CNTN4: variants seen among roughly 807,000 people sequenced by gnomAD.
The protein encoded by CNTN4 is contactin 4.
Under a neutral mutation model 122.5 loss-of-function variants are expected in CNTN4, and 77 were observed. The observed-to-expected ratio is 0.63, with a 90% CI of 0.52 to 0.76. The LOEUF is 0.76. Ranked by LOEUF, CNTN4 falls within the 30% of genes least tolerant of loss-of-function variation. The pLI is 0.00. For missense variants in CNTN4, 1,256 were observed against 1,259.1 expected (o/e 1.00, Z 0.04); for synonymous variants, 512 against 447.0 (o/e 1.15, Z -1.83).
At chr3:2,441,502 C>T (rs1013146693) in intron 3 of CNTN4, among the ~76,000 whole-genome samples, 1 of 152,104 alleles carries the variant, frequency 6.6e-6, no homozygotes, top group African/African-American at 2.4e-5. Flanking sequence ...TAAAGTATAA[C>T]CTTTGGGGGC....
intron 3 of CNTN4, among the ~76,000 whole-genome samples, chr3:2,460,079 C>T (rs2049148983): frequency 6.6e-6 from 1 of 151,964 alleles, no homozygotes. Flanking sequence ...GGTCACATTT[C>T]CCTCTGATAG....
intron 7 of CNTN4, among the ~76,000 whole-genome samples, chr3:2,826,372 C>T (rs1253039498): frequency 6.6e-6 from 1 of 152,192 alleles, no homozygotes; most frequent in Non-Finnish European, 1.5e-5. Flanking sequence ...ATGCAAACCT[C>T]TCCAGGGTTC....
intron 4 of CNTN4, among the ~76,000 whole-genome samples, chr3:2,576,139 T>C (rs1223103669): frequency 6.6e-6 from 1 of 152,152 alleles, no homozygotes; most frequent in Non-Finnish European, 1.5e-5. Context: ...CCAGCCGCTT[T>C]CTTCTTTTTA....
intron 4 of CNTN4, among the ~76,000 whole-genome samples, chr3:2,724,636 G>A (rs1395906087): frequency 3.3e-5 from 5 of 152,142 alleles, no homozygotes; most frequent in African/African-American, 1.2e-4. Context: ...CAAAGAGACA[G>A]GTGCAAAGGC....
chr3:2,986,418 T>C (rs340817), intron 13 of CNTN4, among the ~76,000 whole-genome samples: 85,932 of 152,042 alleles, frequency 0.57, 26,705 homozygotes, highest in African/African-American at 0.84. Flanking sequence ...AACCCACAGC[T>C]CTGGAATGTG....
chr3:2,579,967 C>A (rs2079861443), intron 4 of CNTN4, among the ~76,000 whole-genome samples: 1 of 151,894 alleles, frequency 6.6e-6, no homozygotes, highest in Non-Finnish European at 1.5e-5. Context: ...ACATCTGGAC[C>A]TTATCTATAC....
At chr3:2,871,552 T>G (rs756993266) in intron 8 of CNTN4, among the ~76,000 whole-genome samples, 1 of 152,182 alleles carries the variant, frequency 6.6e-6, no homozygotes, top group African/African-American at 2.4e-5. Context: ...TTTCAAATTT[T>G]TAGAACATTG....
At chr3:2,839,924 C>G (rs1159393402) in intron 7 of CNTN4, among the ~76,000 whole-genome samples, 1 of 152,072 alleles carries the variant, frequency 6.6e-6, no homozygotes, top group African/African-American at 2.4e-5. Context: ...TCTCTATTCC[C>G]AAGTGTTATT....
chr3:3,039,933 G>A (rs1699994018), intron 19 of CNTN4, 104 bp from the exon 20 acceptor site: 1 of 795,268 alleles, frequency 1.3e-6, no homozygotes, highest in Non-Finnish European at 2.2e-6. Context: ...AATAAGATGG[G>A]TGGAGAAGGA....
At chr3:2,381,426 G>A (rs886896280) in intron 3 of CNTN4, among the ~76,000 whole-genome samples, 1 of 152,162 alleles carries the variant, frequency 6.6e-6, no homozygotes, top group Non-Finnish European at 1.5e-5. Flanking sequence ...ATCAGATCAA[G>A]TTTCACCTTC....
At chr3:2,882,525 G>T (rs539647738) in intron 8 of CNTN4, among the ~76,000 whole-genome samples, 1 of 152,304 alleles carries the variant, frequency 6.6e-6, no homozygotes, top group Non-Finnish European at 1.5e-5. Flanking sequence ...AAATAAGTGT[G>T]CCATTGGCAA....
intron 14 of CNTN4, among the ~76,000 whole-genome samples, chr3:2,995,570 A>T (rs920940952): frequency 6.6e-6 from 1 of 152,170 alleles, no homozygotes; most frequent in Admixed American, 6.5e-5. Context: ...CAAAGCCTCT[A>T]TGCTGAAGAC....
At chr3:2,973,427 A>C (rs889314309) in intron 13 of CNTN4, among the ~76,000 whole-genome samples, 1 of 152,008 alleles carries the variant, frequency 6.6e-6, no homozygotes, top group Non-Finnish European at 1.5e-5. Context: ...TGATTTCTCT[A>C]TTCAGTTTTG....
chr3:2,210,437 G>C (rs1401581556), intron 2 of CNTN4, among the ~76,000 whole-genome samples: 1 of 152,108 alleles, frequency 6.6e-6, no homozygotes, highest in Non-Finnish European at 1.5e-5. Context: ...AAATCACCAA[G>C]TTAGCTTCCT....
At chr3:2,535,790 A>G (rs921453509) in intron 3 of CNTN4, among the ~76,000 whole-genome samples, 1 of 152,010 alleles carries the variant, frequency 6.6e-6, no homozygotes, top group South Asian at 2.1e-4. Flanking sequence ...TTTTTTGTCC[A>G]TGCATGTTTA....
At chr3:2,168,051 T>C (rs115121253) in intron 2 of CNTN4, among the ~76,000 whole-genome samples, 2,843 of 152,232 alleles carry the variant, frequency 0.019, 27 homozygotes, top group Middle Eastern at 0.054. Flanking sequence ...GAGGATCGCT[T>C]GAGTCCAGGA....
chr3:2,992,561 C>T (rs5028629), intron 14 of CNTN4, among the ~76,000 whole-genome samples: 10,891 of 152,162 alleles, frequency 0.072, 659 homozygotes, highest in African/African-American at 0.15. Flanking sequence ...TTGCATGACA[C>T]AGTGCCTCTG....
chr3:2,956,673 A>T (rs2094802297), intron 13 of CNTN4, among the ~76,000 whole-genome samples: 1 of 152,112 alleles, frequency 6.6e-6, no homozygotes, highest in South Asian at 2.1e-4. Context: ...TATATATTAT[A>T]TAATGATTAC....
intron 4 of CNTN4, among the ~76,000 whole-genome samples, chr3:2,685,496 T>G (rs1033054016): frequency 6.6e-6 from 1 of 152,180 alleles, no homozygotes; most frequent in African/African-American, 2.4e-5. Flanking sequence ...CATTTGGTCT[T>G]GTACTAAGAA....
Sources: allele counts gnomAD v4.1 joint callset (sites outside exome capture counted in the v4.1 genomes callset), GRCh38; gene constraint gnomAD v4.1.1; transcripts MANE v1.5; gene names NCBI Gene and HGNC (gene_info 2026-07-23, HGNC 2026-07-21).